Variants in SIPA1L3 observed in about 807,000 individuals in gnomAD.
The protein encoded by SIPA1L3 is signal induced proliferation associated 1 like 3.
In SIPA1L3, 59 loss-of-function variants were observed where a neutral mutation model predicts 150.1. The observed-to-expected ratio is 0.39, with a 90% confidence interval of 0.32 to 0.49. The LOEUF (loss-of-function observed/expected upper bound fraction) is 0.49, where lower values mean the gene tolerates loss of function less well. SIPA1L3 is among the 20% of genes least tolerant of loss of function. The probability of loss-of-function intolerance (pLI) is 0.86; values close to 1 mark genes in which losing one functional copy is unlikely to be tolerated. For synonymous variants in SIPA1L3, 1,070 were observed against 1,077.6 expected, an observed-to-expected ratio of 0.99 and a Z score of 0.14; for missense variants, 2,211 against 2,489.5, an observed-to-expected ratio of 0.89 and a Z score of 2.38.
chr19:37,965,394 T>C (rs1643472), intron 1 of SIPA1L3, among the ~76,000 whole-genome samples: 123,162 of 150,402 alleles, frequency 0.82, 50,957 homozygotes, highest in East Asian at 0.93. Context: ...TGGCTCACTG[T>C]GACCTCCGTC....
intron 1 of SIPA1L3, among the ~76,000 whole-genome samples, chr19:37,937,626 C>T (rs1801412036): frequency 6.7e-6 from 1 of 149,764 alleles, no homozygotes; most frequent in Non-Finnish European, 1.5e-5. Context: ...CTTGTGGTCC[C>T]AGCTACTTAG....
At chr19:38,188,727 C>T (rs1381443080) in intron 16 of SIPA1L3, among the ~76,000 whole-genome samples, 2 of 151,450 alleles carry the variant, frequency 1.3e-5, no homozygotes, top group African/African-American at 2.4e-5. Flanking sequence ...TCGAGACCAT[C>T]CTGGCTAACA....
At chr19:38,016,005 T>A (rs1441755984) in intron 1 of SIPA1L3, among the ~76,000 whole-genome samples, 3 of 152,222 alleles carry the variant, frequency 2.0e-5, no homozygotes, top group Non-Finnish European at 4.4e-5. Flanking sequence ...GAGGATGCCA[T>A]GACTAGGAGT....
chr19:38,013,050 G>A (rs1968141485), intron 1 of SIPA1L3, among the ~76,000 whole-genome samples: 1 of 152,158 alleles, frequency 6.6e-6, no homozygotes, highest in Admixed American at 6.5e-5. Flanking sequence ...GGGGACTCTA[G>A]TCCACTCAGC....
At chr19:38,174,140 G>A (rs938083265) in intron 15 of SIPA1L3, among the ~76,000 whole-genome samples, 4 of 152,166 alleles carry the variant, frequency 2.6e-5, no homozygotes, top group African/African-American at 9.7e-5. Context: ...TGACAATACA[G>A]GTGGCAGTGG....
At position 37,939,930 on chromosome 19, in the gene SIPA1L3, C is replaced by T. The variant is rs906831824; in HGVS notation, c.-379+32572C>T. On this transcript the variant is annotated intron_variant, in intron 1 of 21. Coordinates refer to ENST00000222345, the MANE Select transcript of SIPA1L3 (RefSeq NM_015073.3). Reference sequence around the variant, plus strand: ...GTACCTGTAGATGATGCCCTCCCCACTTTTGGTTCTTTGATTAATTACACA... The same window carrying T: ...GTACCTGTAGATGATGCCCTCCCCATTTTTGGTTCTTTGATTAATTACACA... Among the ~76,000 whole-genome samples, 13 of 152,280 alleles carry T rather than the reference C, an allele frequency of 8.5e-5. No individual in the cohort carries two copies. In the South Asian group the frequency reaches 2.7e-3, roughly 32 times the overall value.
intron 1 of SIPA1L3, among the ~76,000 whole-genome samples, chr19:38,000,944 A>G (rs892566444): frequency 3.0e-5 from 3 of 100,460 alleles, no homozygotes; most frequent in Admixed American, 2.8e-4. Context: ...CATATATAAC[A>G]TATAACACAC....
chr19:38,108,161 A>G (rs1970662123), intron 7 of SIPA1L3, among the ~76,000 whole-genome samples: 1 of 152,086 alleles, frequency 6.6e-6, no homozygotes, highest in African/African-American at 2.4e-5. Flanking sequence ...GTCATTGAGA[A>G]AGGTCCATAT....
At chr19:37,991,722 G>A (rs537097828) in intron 1 of SIPA1L3, among the ~76,000 whole-genome samples, 53 of 152,310 alleles carry the variant, frequency 3.5e-4, no homozygotes, top group Non-Finnish European at 6.6e-4. Context: ...GCCCTGTGAC[G>A]GTGATCTGTT....
chr19:38,119,950 C>G, intron 9 of SIPA1L3, 68 bp downstream of exon 9: 1 of 1,110,158 alleles, frequency 9.0e-7, no homozygotes, highest in Non-Finnish European at 1.3e-6. Context: ...CACTGAAATA[C>G]TTCCCTAGCC....
chr19:38,190,285 G>A (rs1972779321), intron 16 of SIPA1L3, among the ~76,000 whole-genome samples: 1 of 152,192 alleles, frequency 6.6e-6, no homozygotes, highest in African/African-American at 2.4e-5. Flanking sequence ...ACACTCCCCT[G>A]TGCAGGGCAT....
chr19:38,106,177 G>C (rs1395110422), intron 6 of SIPA1L3: 2 of 269,914 alleles, frequency 7.4e-6, no homozygotes, highest in Non-Finnish European at 1.4e-5. Context: ...CGTGATCTCG[G>C]CTCGCTGCAA....
intron 1 of SIPA1L3, among the ~76,000 whole-genome samples, chr19:37,981,149 G>C (rs1967191808): frequency 6.6e-6 from 1 of 152,140 alleles, no homozygotes; most frequent in South Asian, 2.1e-4. Context: ...TAAAGGTTTG[G>C]GGATTCTGTG....
At chr19:38,064,658 C>T (rs1038611901) in intron 2 of SIPA1L3, among the ~76,000 whole-genome samples, 2 of 152,120 alleles carry the variant, frequency 1.3e-5, no homozygotes, top group Non-Finnish European at 2.9e-5. Context: ...AAGATCGCGC[C>T]ACTGCACTCC....
At chr19:38,153,926 T>C (rs1472648103) in intron 13 of SIPA1L3, among the ~76,000 whole-genome samples, 1 of 151,882 alleles carries the variant, frequency 6.6e-6, no homozygotes, top group Non-Finnish European at 1.5e-5. Flanking sequence ...AGAGCAAGAC[T>C]CTGTCTCAGA....
chr19:38,137,785 T>C (rs1310536082), intron 10 of SIPA1L3, among the ~76,000 whole-genome samples: 2 of 152,068 alleles, frequency 1.3e-5, no homozygotes, highest in Non-Finnish European at 2.9e-5. Flanking sequence ...GCTATGTTTT[T>C]CTCTTTGAGG....
intron 2 of SIPA1L3, among the ~76,000 whole-genome samples, chr19:38,033,796 C>A (rs1968712804): frequency 6.6e-6 from 1 of 152,094 alleles, no homozygotes; most frequent in African/African-American, 2.4e-5. Flanking sequence ...TATGGCTCAG[C>A]CACCCACTGT....
intron 8 of SIPA1L3, among the ~76,000 whole-genome samples, chr19:38,113,646 G>A (rs968841965): frequency 2.0e-5 from 3 of 151,766 alleles, no homozygotes; most frequent in Non-Finnish European, 2.9e-5. Flanking sequence ...CAGACATCAC[G>A]TGGCTGTTGC....
chr19:37,973,596 GCAC>G (rs1292232412), intron 1 of SIPA1L3, among the ~76,000 whole-genome samples: 4 of 79,384 alleles, frequency 5.0e-5, no homozygotes, highest in Non-Finnish European at 8.6e-5. Context: ...ACGCCTCTCA[GCAC>G]TCTGAGAGTG....
Sources: gnomAD v4.1 joint callset for allele counts (sites outside exome capture counted in the v4.1 genomes callset) on GRCh38, gnomAD v4.1.1 for gene constraint, MANE v1.5 for transcripts, NCBI Gene and HGNC (gene_info 2026-07-23, HGNC 2026-07-21) for gene names.